Variants in CACNB2 observed in about 807,000 individuals in gnomAD.
CACNB2 encodes the protein voltage-dependent L-type calcium channel subunit beta-2.
In CACNB2, 42 loss-of-function variants were observed where a neutral mutation model predicts 73.3. The observed-to-expected ratio is 0.57, with a 90% CI of 0.45 to 0.74. The LOEUF (loss-of-function observed/expected upper bound fraction) is 0.74. Ranked by LOEUF, CACNB2 falls within the 30% of genes least tolerant of loss-of-function variation. CACNB2 has a pLI of 0.00. For missense variants in CACNB2, 940 were observed against 853.0 expected (o/e 1.10, Z -1.27); for synonymous variants, 348 against 310.3 (o/e 1.12, Z -1.28).
At position 18,398,667 on chromosome 10, in the gene CACNB2, TCACA is replaced by T. The variant is rs755907676; in HGVS notation, c.214-3236_214-3233del. Among the ~76,000 whole-genome samples the T allele has an allele frequency of 1.3e-3, 170 of 132,364 alleles. No individual in the cohort carries two copies. In the East Asian group the frequency reaches 0.017, roughly 13 times the overall value. The allele number at this position is 132,364 out of a possible 152,430, so 86.8% of individuals were successfully genotyped here. A position where few individuals can be genotyped will look rare whatever the true frequency, so the allele number is the denominator to read the frequency against. On this transcript the variant is annotated intron_variant, in intron 2 of 13. Transcript: ENST00000324631. ...TCAAGCCTGGGTGACAGTGAGACTG[TCACA>T]CACACACACACACACACACATACAC...
intron 2 of CACNB2, among the ~76,000 whole-genome samples, chr10:18,160,604 A>G (rs1357862302): frequency 6.6e-6 from 1 of 152,208 alleles, no homozygotes; most frequent in Non-Finnish European, 1.5e-5. Flanking sequence ...TGAATTTATA[A>G]AAAGCATGTG....
At chr10:18,196,263 A>G (rs1303450276) in intron 2 of CACNB2, among the ~76,000 whole-genome samples, 1 of 151,422 alleles carries the variant, frequency 6.6e-6, no homozygotes, top group Non-Finnish European at 1.5e-5. Flanking sequence ...GCTGTTTAAC[A>G]ATACAATGGC....
intron 2 of CACNB2, among the ~76,000 whole-genome samples, chr10:18,325,265 C>CTATA (rs1564437330): frequency 1.3e-5 from 2 of 152,220 alleles, no homozygotes; most frequent in Non-Finnish European, 2.9e-5. Flanking sequence ...TCATAGCTCA[C>CTATA]TATAACCTTG....
intron 2 of CACNB2, among the ~76,000 whole-genome samples, chr10:18,262,835 A>G (rs912346306): frequency 9.2e-5 from 14 of 152,202 alleles, no homozygotes; most frequent in African/African-American, 3.1e-4. Context: ...ACAAATTTTT[A>G]CCCTACTTAT....
At chr10:18,518,778 C>T in intron 8 of CACNB2, 132 bp from the exon 9 acceptor site, 1 of 788,082 alleles carries the variant, frequency 1.3e-6, no homozygotes, top group East Asian at 2.6e-5. Context: ...AAAAATGCGG[C>T]AACCTCATAT....
At chr10:18,493,874 C>A (rs973229814) in intron 3 of CACNB2, among the ~76,000 whole-genome samples, 17 of 152,174 alleles carry the variant, frequency 1.1e-4, no homozygotes, top group Admixed American at 4.6e-4. Context: ...ATCCTGGGGT[C>A]TTTTATCTTG....
chr10:18,385,364 A>AC (rs754737184), intron 2 of CACNB2, among the ~76,000 whole-genome samples: 3,674 of 83,074 alleles, frequency 0.044, 72 homozygotes, highest in East Asian at 0.075. Context: ...GATTTGTAAT[A>AC]CCCCCCCCCC....
intron 2 of CACNB2, among the ~76,000 whole-genome samples, chr10:18,327,278 TC>T (rs1316418308): frequency 3.3e-5 from 5 of 152,302 alleles, no homozygotes; most frequent in Non-Finnish European, 7.3e-5. Context: ...TGTAAGTATA[TC>T]CATTATATTT....
At chr10:18,355,528 C>T (rs181139112) in intron 2 of CACNB2, among the ~76,000 whole-genome samples, 4 of 151,972 alleles carry the variant, frequency 2.6e-5, no homozygotes, top group Admixed American at 2.6e-4. Flanking sequence ...TTTTTTGATG[C>T]TATTGCAGAG....
chr10:18,167,934 C>A (rs1019458812), intron 2 of CACNB2, among the ~76,000 whole-genome samples: 1 of 152,160 alleles, frequency 6.6e-6, no homozygotes, highest in African/African-American at 2.4e-5. Context: ...GAGGTCACCC[C>A]CGACCCCAAC....
intron 2 of CACNB2, among the ~76,000 whole-genome samples, chr10:18,387,944 A>G (rs1055768968): frequency 9.2e-5 from 14 of 152,050 alleles, no homozygotes; most frequent in Admixed American, 2.6e-4. Flanking sequence ...TTTTGTACAG[A>G]TGGGGTCTCG....
At chr10:18,289,588 C>T (rs2131756168) in intron 2 of CACNB2, among the ~76,000 whole-genome samples, 1 of 152,074 alleles carries the variant, frequency 6.6e-6, no homozygotes, top group South Asian at 2.1e-4. Flanking sequence ...GCCACCGCGC[C>T]CGGCCAAAGT....
intron 2 of CACNB2, among the ~76,000 whole-genome samples, chr10:18,228,450 GAAA>G (rs1275938431): frequency 2.9e-5 from 2 of 68,994 alleles, no homozygotes; most frequent in African/African-American, 5.6e-5. Flanking sequence ...AAAAAAAAAA[GAAA>G]AAAAAAAAGA....
At chr10:18,170,149 A>G (rs1379336739) in intron 2 of CACNB2, among the ~76,000 whole-genome samples, 2 of 152,230 alleles carry the variant, frequency 1.3e-5, no homozygotes, top group African/African-American at 2.4e-5. Context: ...GGCCCAAGCC[A>G]TAAGTTCACT....
intron 2 of CACNB2, among the ~76,000 whole-genome samples, chr10:18,224,593 G>C (rs937621523): frequency 2.0e-5 from 3 of 152,186 alleles, no homozygotes; most frequent in African/African-American, 7.2e-5. Flanking sequence ...ATCAGGTTAA[G>C]AAGCTCGTTC....
chr10:18,431,729 C>T lies in CACNB2; in HGVS notation c.333+29686C>T, dbSNP rs147950125. ...CAAAATGGATAAGCATGGATAAGCC[C>T]CAAAGATATCTTTGTTGACCTCATT... is the stretch of plus-strand genomic sequence containing the variant. On this transcript the variant is annotated intron_variant, in intron 3 of 13. Coordinates refer to ENST00000324631, the MANE Select transcript of CACNB2 (RefSeq NM_201596.3). Among the ~76,000 whole-genome samples, 98 of 151,908 alleles carry T rather than the reference C, an allele frequency of 6.5e-4. 1 individual carries two copies. In the Middle Eastern group the frequency reaches 0.014, roughly 21 times the overall value.
At chr10:18,372,673 C>T (rs1303633000) in intron 2 of CACNB2, among the ~76,000 whole-genome samples, 2 of 152,172 alleles carry the variant, frequency 1.3e-5, no homozygotes. Context: ...TCCCAAAGTG[C>T]TGGGATTACA....
At chr10:18,464,210 A>G (rs1296171839) in intron 3 of CACNB2, among the ~76,000 whole-genome samples, 1 of 149,570 alleles carries the variant, frequency 6.7e-6, no homozygotes. Flanking sequence ...ACAGACTCCT[A>G]TCCCTCTGCA....
chr10:18,498,078 C>T (rs1025213453), intron 3 of CACNB2, among the ~76,000 whole-genome samples: 9 of 151,576 alleles, frequency 5.9e-5, no homozygotes, highest in African/African-American at 2.2e-4. Flanking sequence ...GTTGAAAACA[C>T]ATATTTCCGT....
Sources: gnomAD v4.1 joint callset for allele counts (sites outside exome capture counted in the v4.1 genomes callset) on GRCh38, gnomAD v4.1.1 for gene constraint, MANE v1.5 for transcripts, NCBI Gene and HGNC (gene_info 2026-07-23, HGNC 2026-07-21) for gene names.